LPP: variants seen among roughly 807,000 people sequenced by gnomAD.
LPP encodes the protein lipoma-preferred partner.
A neutral mutation model predicts 60.4 loss-of-function variants in LPP; 38 were observed. That is an observed-to-expected ratio of 0.63 (90% CI 0.49 to 0.83). The LOEUF is 0.83. LPP is among the 40% of genes least tolerant of loss of function. LPP has a pLI of 0.00. For missense variants in LPP, 902 were observed against 783.6 expected (o/e 1.15, Z -1.80); for synonymous variants, 328 against 290.8 (o/e 1.13, Z -1.30).
At position 188,577,708 on chromosome 3, in the gene LPP, T is replaced by A. The variant is rs59851341; in HGVS notation, c.430-31453T>A. Among the ~76,000 whole-genome samples, 1,193 of 150,984 alleles carry A rather than the reference T, an allele frequency of 7.9e-3. 20 individuals are homozygous for A. The highest frequency in any genetic ancestry group is 0.027 in the African/African-American group (1,121 of 41,246). ...TCTCCCTCCCTTCCTTTCTACTGTT[T>A]CCCTCCTCTCCTCTCTTTGGTTTCC... On this transcript the variant is annotated intron_variant, in intron 6 of 11. Transcript: ENST00000617246.
At chr3:188,696,205 C>T (rs909121342) in intron 7 of LPP, among the ~76,000 whole-genome samples, 4 of 148,698 alleles carry the variant, frequency 2.7e-5, no homozygotes, top group Non-Finnish European at 4.5e-5. Context: ...CTAATTCAAG[C>T]TCTTTAAGCA....
At chr3:188,577,536 C>G (rs966593743) in intron 6 of LPP, among the ~76,000 whole-genome samples, 2 of 151,030 alleles carry the variant, frequency 1.3e-5, no homozygotes, top group South Asian at 2.1e-4. Flanking sequence ...GTTTTACATA[C>G]AGTAATTAAT....
intron 7 of LPP, among the ~76,000 whole-genome samples, chr3:188,685,658 A>G (rs1189537593): frequency 6.6e-6 from 1 of 152,142 alleles, no homozygotes; most frequent in East Asian, 1.9e-4. Context: ...TCCTGAGGGA[A>G]CACCCTCAAA....
intron 9 of LPP, among the ~76,000 whole-genome samples, chr3:188,847,584 G>A (rs993063371): frequency 6.6e-6 from 1 of 152,186 alleles, no homozygotes. Flanking sequence ...TGGTCAGAAA[G>A]TATTGTGCTA....
At chr3:188,336,403 A>G (rs1368555366) in intron 2 of LPP, among the ~76,000 whole-genome samples, 1 of 152,202 alleles carries the variant, frequency 6.6e-6, no homozygotes, top group Non-Finnish European at 1.5e-5. Context: ...TGAGTGGCTC[A>G]ACTCCAGGAA....
chr3:188,173,340 A>T (rs1023886245), intron 1 of LPP, among the ~76,000 whole-genome samples: 8 of 151,820 alleles, frequency 5.3e-5, no homozygotes, highest in South Asian at 2.1e-4. Flanking sequence ...ATCTCTATTT[A>T]AAAAAATACA....
intron 4 of LPP, among the ~76,000 whole-genome samples, chr3:188,430,038 A>G (rs114609265): frequency 0.016 from 2,451 of 152,292 alleles, 56 homozygotes; most frequent in African/African-American, 0.056. Flanking sequence ...TCTGAGAGTG[A>G]GAAGATCAAA....
intron 2 of LPP, among the ~76,000 whole-genome samples, chr3:188,246,620 G>A (rs1048296590): frequency 6.6e-6 from 1 of 152,068 alleles, no homozygotes; most frequent in Non-Finnish European, 1.5e-5. Context: ...CATTTTCCCT[G>A]GAAAAGGGTG....
At chr3:188,806,669 CTATT>C (rs1324828096) in intron 9 of LPP, among the ~76,000 whole-genome samples, 1 of 151,866 alleles carries the variant, frequency 6.6e-6, no homozygotes, top group African/African-American at 2.4e-5. Context: ...CTCATTTACA[CTATT>C]TGTTTATTAT....
chr3:188,792,181 G>A (rs1451554294), intron 9 of LPP, among the ~76,000 whole-genome samples: 2 of 152,116 alleles, frequency 1.3e-5, no homozygotes, highest in Admixed American at 6.5e-5. Context: ...GACAGGATAC[G>A]AGTTAACAAC....
At chr3:188,770,180 T>C (rs1249481361) in intron 9 of LPP, among the ~76,000 whole-genome samples, 1 of 137,588 alleles carries the variant, frequency 7.3e-6, no homozygotes, top group Non-Finnish European at 1.6e-5. Context: ...TTTTTTTTTT[T>C]TTTTTTTTTT....
intron 6 of LPP, among the ~76,000 whole-genome samples, chr3:188,605,364 C>A (rs1427832329): frequency 3.3e-5 from 5 of 152,130 alleles, no homozygotes; most frequent in African/African-American, 4.8e-5. Flanking sequence ...GGAAAGTAGG[C>A]AGTCTCAGAA....
intron 4 of LPP, among the ~76,000 whole-genome samples, chr3:188,458,839 GT>G (rs1239571892): frequency 2.6e-5 from 4 of 151,252 alleles, no homozygotes. Flanking sequence ...TGCAGTGTGG[GT>G]TTTTTTTCGT....
At chr3:188,766,326 A>G (rs995506074) in intron 9 of LPP, among the ~76,000 whole-genome samples, 1 of 131,350 alleles carries the variant, frequency 7.6e-6, no homozygotes, top group African/African-American at 2.7e-5. Flanking sequence ...ACTTCTACTG[A>G]TGAAAAACCA....
rs1790378832 is a variant in LPP at position 188,429,573 on chromosome 3, C to T, written c.193+23260C>T. Among the ~76,000 whole-genome samples, 5 of 152,140 alleles carry T rather than the reference C, an allele frequency of 3.3e-5. No homozygotes were observed. The South Asian group carries it at 1.0e-3, about 32-fold the overall frequency. ...AGTATTTCCCCATGTTTTGGTAAAA[C>T]CTGCTGCTCCTGAAACCTACCTTTG... On this transcript the variant is annotated intron_variant, in intron 4 of 11. Transcript: ENST00000617246.
chr3:188,303,795 A>C (rs1470349022), intron 2 of LPP, among the ~76,000 whole-genome samples: 1 of 152,170 alleles, frequency 6.6e-6, no homozygotes, highest in Non-Finnish European at 1.5e-5. Flanking sequence ...GGAGATTCTG[A>C]TTTTGTAAGA....
At chr3:188,302,550 A>G (rs1481677919) in intron 2 of LPP, among the ~76,000 whole-genome samples, 1 of 152,216 alleles carries the variant, frequency 6.6e-6, no homozygotes, top group Non-Finnish European at 1.5e-5. Flanking sequence ...AGTATTTGAC[A>G]GAATGGGGTT....
intron 7 of LPP, among the ~76,000 whole-genome samples, chr3:188,624,104 G>T (rs947480145): frequency 1.4e-4 from 21 of 152,210 alleles, no homozygotes; most frequent in African/African-American, 5.1e-4. Context: ...TTCTGCATCA[G>T]CACAATATGT....
intron 7 of LPP, among the ~76,000 whole-genome samples, chr3:188,665,951 T>C (rs1855707293): frequency 6.6e-6 from 1 of 152,262 alleles, no homozygotes; most frequent in Non-Finnish European, 1.5e-5. Context: ...TGGCAGGATC[T>C]GATCCATCCT....
Sources: allele counts gnomAD v4.1 joint callset (sites outside exome capture counted in the v4.1 genomes callset), GRCh38; gene constraint gnomAD v4.1.1; transcripts MANE v1.5; gene names NCBI Gene and HGNC (gene_info 2026-07-23, HGNC 2026-07-21).